Variants in ANKRD18A observed in about 807,000 individuals in gnomAD.
ANKRD18A encodes ankyrin repeat domain 18A.
A neutral mutation model predicts 110.6 loss-of-function variants in ANKRD18A; 72 were observed. That is an observed-to-expected ratio of 0.65 (90% confidence interval 0.54 to 0.79). The LOEUF is 0.79. ANKRD18A is among the 30% of genes least tolerant of loss of function. The pLI is 0.00. For missense variants in ANKRD18A, 934 were observed against 1,163.3 expected (o/e 0.80, Z 2.87); for synonymous variants, 305 against 410.3 (o/e 0.74, Z 3.10).
intron 5 of ANKRD18A, among the ~76,000 whole-genome samples, chr9:38,608,411 A>G (rs1323472089): frequency 6.6e-6 from 1 of 151,792 alleles, no homozygotes; most frequent in Non-Finnish European, 1.5e-5. Context: ...TTTCCAAGTC[A>G]TGTACTAACA....
chr9:38,610,957 T>C (rs1018002435), intron 4 of ANKRD18A, among the ~76,000 whole-genome samples: 43 of 152,060 alleles, frequency 2.8e-4, no homozygotes, highest in Non-Finnish European at 3.1e-4. Flanking sequence ...CCCCTTTAGC[T>C]AATATAAGAT....
At position 38,596,052 on chromosome 9, in the gene ANKRD18A, T is replaced by C. The variant is rs1377159615; in HGVS notation, c.1288A>G (p.Ile430Val). Residue 430 changes from isoleucine (I) to valine (V), a missense_variant, in exon 9 of 16, where the codon ATA becomes GTA. Ile to Val is a conservative substitution (Grantham distance 29, BLOSUM62 3). Coordinates refer to ENST00000399703, the MANE Select transcript of ANKRD18A (RefSeq NM_147195.4). ...ESLHSSLATA[I>V]NEYNEIVERK... is the part of the protein sequence containing the mutation. Reference sequence around the variant, plus strand: ...TCCACAATTTCATTGTACTCATTTATAGCAGTGGCCAGGCTAGAATGGAGG... The same window carrying C: ...TCCACAATTTCATTGTACTCATTTACAGCAGTGGCCAGGCTAGAATGGAGG... 3.9e-6 allele frequency: 6 copies of C among 1,551,290 alleles called. No individual in the cohort carries two copies. The highest frequency in any genetic ancestry group is 5.2e-6 in the Non-Finnish European group (6 of 1,146,744).
At chr9:38,604,901 T>G (rs1445696620) in intron 6 of ANKRD18A, 1 of 160,424 alleles carries the variant, frequency 6.2e-6, no homozygotes, top group African/African-American at 2.4e-5. Context: ...ACTTTCATTC[T>G]TCATGGCTGC....
chr9:38,571,740 G>C lies in ANKRD18A; in HGVS notation c.*305C>G. ...GCTGACATTCAGGCAATTTGAGTAG[G>C]CCAAACTCAATAACGCTGGTGTTCA... On this transcript the variant is annotated 3_prime_UTR_variant, in exon 16 of 16. Transcript: ENST00000399703. 5.6e-6 allele frequency: 6 copies of C among 1,067,728 alleles called. No homozygotes were observed. Among genetic ancestry groups the C allele is most frequent in the Non-Finnish European group, 6.8e-6 (6 of 883,284 alleles). The allele number at this position is 1,067,728 out of a possible 1,614,324, so 66.1% of individuals were successfully genotyped here. A position where few individuals can be genotyped will look rare whatever the true frequency, so the allele number is the denominator to read the frequency against.
chr9:38,601,114 T>C lies in ANKRD18A; in HGVS notation c.936+17A>G. ...AAACAAACCAGTATTAAACCAGAAA[T>C]TTAAATTGTTACATACCTGTGGCTG... On this transcript the variant is annotated intron_variant, in intron 8 of 15. Transcript: ENST00000399703. 4 of 1,547,452 alleles carry C rather than the reference T, an allele frequency of 2.6e-6. No individual in the cohort carries two copies. The highest frequency in any genetic ancestry group is 3.5e-6 in the Non-Finnish European group (4 of 1,144,246).
intron 12 of ANKRD18A, among the ~76,000 whole-genome samples, chr9:38,578,674 T>A (rs1824018635): frequency 6.6e-6 from 1 of 152,010 alleles, no homozygotes; most frequent in South Asian, 2.1e-4. Context: ...GCCAGGAATT[T>A]GAGATCAGCC....
chr9:38,585,844 T>G (rs1318400657), intron 12 of ANKRD18A, among the ~76,000 whole-genome samples: 2 of 152,150 alleles, frequency 1.3e-5, no homozygotes, highest in African/African-American at 4.8e-5. Flanking sequence ...ATGAATGAGA[T>G]CATGCTTTTT....
chr9:38,609,439 C>T (rs984661038), intron 5 of ANKRD18A, among the ~76,000 whole-genome samples: 1 of 152,040 alleles, frequency 6.6e-6, no homozygotes, highest in Admixed American at 6.6e-5. Context: ...CAAGATTGCG[C>T]CACTGCACTC....
At chr9:38,568,528 C>T (rs1328063570), downstream of ANKRD18A, 5 of 174,084 alleles carry the variant, frequency 2.9e-5, no homozygotes, top group African/African-American at 4.8e-5. Context: ...CTCCATCAGC[C>T]GTCAAGTGGC....
At position 38,592,907 on chromosome 9, in the gene ANKRD18A, T is replaced by C. The variant is rs553763944; in HGVS notation, c.2004+853A>G. ...CTGTGGAGACAAAAGTGGATGGTGG[T>C]TGCCTACAACTGGGGTAGGTGGAGA... On this transcript the variant is annotated intron_variant, in intron 10 of 15. Coordinates refer to ENST00000399703, the MANE Select transcript of ANKRD18A (RefSeq NM_147195.4). Among the ~76,000 whole-genome samples the C allele has an allele frequency of 2.6e-5, 4 of 152,284 alleles. No individual in the cohort carries two copies. The South Asian group carries it at 8.3e-4, about 32-fold the overall frequency.
At position 38,571,989 on chromosome 9, in the gene ANKRD18A, C is replaced by G. The variant is rs55960030; in HGVS notation, c.*56G>C. ...CTTAAGATTTTATGGTTAATCTCTT[C>G]ATTAGATGTGGCTTACCAGTGGATT... On this transcript the variant is annotated 3_prime_UTR_variant, in exon 16 of 16. Transcript: ENST00000399703. 322,216 of 1,548,872 alleles carry G rather than the reference C, an allele frequency of 0.21. 36,906 individuals are homozygous for G. The highest frequency in any genetic ancestry group is 0.45 in the East Asian group (18,798 of 42,068).
chr9:38,598,418 A>G (rs1332340023), intron 8 of ANKRD18A, among the ~76,000 whole-genome samples: 1 of 152,202 alleles, frequency 6.6e-6, no homozygotes, highest in Non-Finnish European at 1.5e-5. Context: ...ACATAATTAC[A>G]CATTTAGATA....
intron 3 of ANKRD18A, among the ~76,000 whole-genome samples, chr9:38,614,127 T>C (rs1258314784): frequency 6.6e-6 from 1 of 152,170 alleles, no homozygotes; most frequent in Non-Finnish European, 1.5e-5. Context: ...CCAACTCTTT[T>C]AGAGATTTCT....
Position 38,578,039 on chromosome 9 carries a change from T to C in ANKRD18A, c.2357A>G (p.Glu786Gly). 6.4e-7 allele frequency: 1 copy of C among 1,552,256 alleles called. No individual in the cohort carries two copies. The highest frequency in any genetic ancestry group is 8.7e-7 in the Non-Finnish European group (1 of 1,146,922). Residue 786 changes from glutamate (E) to glycine (G), a missense_variant, in exon 13 of 16, where the codon GAG becomes GGG. This residue lies in a region of ANKRD18A where 79 missense variants were observed against 122.8 expected (regional missense o/e 0.64). Coordinates refer to ENST00000399703, the MANE Select transcript of ANKRD18A (RefSeq NM_147195.4). ...ATCCTTCTCAAGTTTTTCACATTTC[T>C]CTTGTACATTTCTCATAGATAATAA... The part of the protein sequence containing the change: ...QELLSMRNVQ[E>G]KCEKLEKDKK...
At chr9:38,579,171 C>A (rs1360361771) in intron 12 of ANKRD18A, among the ~76,000 whole-genome samples, 1 of 152,120 alleles carries the variant, frequency 6.6e-6, no homozygotes, top group Non-Finnish European at 1.5e-5. Flanking sequence ...CTATATAGCA[C>A]CATATAGCAA....
chr9:38,599,368 T>A (rs1002024030), intron 8 of ANKRD18A, among the ~76,000 whole-genome samples: 1 of 152,222 alleles, frequency 6.6e-6, no homozygotes, highest in African/African-American at 2.4e-5. Flanking sequence ...AGTTTGTCCC[T>A]CTTTAGAGTT....
At chr9:38,609,690 T>C (rs1825520230) in intron 5 of ANKRD18A, among the ~76,000 whole-genome samples, 1 of 151,972 alleles carries the variant, frequency 6.6e-6, no homozygotes, top group Non-Finnish European at 1.5e-5. Context: ...TCCCCTCTTC[T>C]TCTGACTTGT....
chr9:38,586,080 G>T (rs1276797955), intron 12 of ANKRD18A, 103 bp downstream of exon 12: 11 of 1,226,206 alleles, frequency 9.0e-6, no homozygotes, highest in South Asian at 1.5e-5. Flanking sequence ...GCATTGATAC[G>T]TGCAGCAAAC....
chr9:38,602,465 A>G (rs1445787144), intron 7 of ANKRD18A, among the ~76,000 whole-genome samples: 1 of 152,224 alleles, frequency 6.6e-6, no homozygotes, highest in Non-Finnish European at 1.5e-5. Context: ...TGACAGGGGC[A>G]TCACCAGCAG....
Sources: gnomAD v4.1 joint callset for allele counts (sites outside exome capture counted in the v4.1 genomes callset) on GRCh38, gnomAD v4.1.1 for gene constraint, gnomAD v4.1.1 regional missense constraint, MANE v1.5 for transcripts, NCBI Gene and HGNC (gene_info 2026-07-23, HGNC 2026-07-21) for gene names.